HDAC4: variants seen among roughly 807,000 people sequenced by gnomAD.
HDAC4 encodes the protein histone deacetylase A.
Under a neutral mutation model 135.1 loss-of-function variants are expected in HDAC4, and 16 were observed. The observed-to-expected ratio is 0.12, with a 90% CI of 0.08 to 0.18. The LOEUF is 0.18. Ranked by LOEUF, HDAC4 falls within the 10% of genes least tolerant of loss-of-function variation. The probability of loss-of-function intolerance (pLI) is 1.00; values close to 1 mark genes in which losing one functional copy is unlikely to be tolerated. For synonymous variants in HDAC4, 685 were observed against 653.4 expected (o/e 1.05, Z -0.74); for missense variants, 1,143 against 1,511.8 (o/e 0.76, Z 4.05).
chr2:239,312,989 C>T (rs771574500), intron 2 of HDAC4, among the ~76,000 whole-genome samples: 2 of 152,188 alleles, frequency 1.3e-5, no homozygotes, highest in African/African-American at 2.4e-5. Context: ...CACTGGCTGC[C>T]GACGGGAGGC....
chr2:239,291,376 A>G (rs984849621), intron 2 of HDAC4, among the ~76,000 whole-genome samples: 6 of 152,328 alleles, frequency 3.9e-5, no homozygotes, highest in African/African-American at 7.2e-5. Context: ...GTTTGTTTAC[A>G]TGGCCTGGGC....
intron 5 of HDAC4, among the ~76,000 whole-genome samples, chr2:239,173,413 A>T (rs2043571653): frequency 6.6e-6 from 1 of 152,202 alleles, no homozygotes; most frequent in Non-Finnish European, 1.5e-5. Context: ...TCATACAATC[A>T]TCTCAAAAGA....
intron 8 of HDAC4, among the ~76,000 whole-genome samples, chr2:239,142,786 GT>G (rs1416008934): frequency 6.7e-6 from 1 of 148,484 alleles, no homozygotes; most frequent in Non-Finnish European, 1.5e-5. Context: ...ATCACGCCCT[GT>G]CACACATGAC....
chr2:239,193,852 A>C (rs2045181142), intron 3 of HDAC4, among the ~76,000 whole-genome samples: 1 of 152,254 alleles, frequency 6.6e-6, no homozygotes, highest in Non-Finnish European at 1.5e-5. Context: ...TCTTAAAAGG[A>C]AACCCAAGTT....
At chr2:239,249,314 C>T (rs1259825989) in intron 2 of HDAC4, among the ~76,000 whole-genome samples, 1 of 151,944 alleles carries the variant, frequency 6.6e-6, no homozygotes, top group East Asian at 1.9e-4. Flanking sequence ...TCGCCCAGGG[C>T]GGGGAGGGGC....
At chr2:239,085,781 C>G (rs2035876788) in intron 19 of HDAC4, 1 of 151,742 alleles carries the variant, frequency 6.6e-6, no homozygotes, top group Non-Finnish European at 1.5e-5. Context: ...CCTCCCTGTA[C>G]ATGAAGGAGA....
At chr2:239,185,099 C>T (rs1458527969) in intron 4 of HDAC4, among the ~76,000 whole-genome samples, 16 of 151,506 alleles carry the variant, frequency 1.1e-4, no homozygotes, top group African/African-American at 3.6e-4. Flanking sequence ...GGTGACTACC[C>T]TGGAGGCTGT....
rs758409684 is a variant in HDAC4, at chr2:239,115,143, G to A, written c.1701C>T (p.Pro567=). Reference sequence around the variant, plus strand: ...CTGCCTCTTCCTCATCGCTCTCAATGGGCTCCTGCTTCACCTGCACGCCGG... The same window carrying A: ...CTGCCTCTTCCTCATCGCTCTCAATAGGCTCCTGCTTCACCTGCACGCCGG... ...AQAGVQVKQE[P]IESDEEEAEP... The change falls in exon 13 of 27, where the codon CCC becomes CCT. Residue 567 remains proline, a synonymous_variant. Coordinates refer to ENST00000543185, the MANE Select transcript of HDAC4 (RefSeq NM_001378414.1). The surrounding 1 kb of genome is among the most constrained non-coding windows in gnomAD (Gnocchi z 6.3). The A allele has an allele frequency of 1.9e-6, 3 of 1,611,650 alleles. No homozygotes were observed. Among genetic ancestry groups the A allele is most frequent in the Non-Finnish European group, 2.5e-6 (3 of 1,179,968 alleles).
chr2:239,332,548 C>T (rs1290579009), intron 2 of HDAC4, among the ~76,000 whole-genome samples: 1 of 150,928 alleles, frequency 6.6e-6, no homozygotes, highest in African/African-American at 2.4e-5. Flanking sequence ...ATTAAAATGA[C>T]ATTAAAAAGC....
chr2:239,292,551 G>A (rs1211748032), intron 2 of HDAC4, among the ~76,000 whole-genome samples: 1 of 152,106 alleles, frequency 6.6e-6, no homozygotes, highest in East Asian at 1.9e-4. Context: ...AGAAAATACA[G>A]ACCCACCAAC....
At chr2:239,163,558 CGT>C (rs1559539277) in intron 6 of HDAC4, among the ~76,000 whole-genome samples, 10 of 151,952 alleles carry the variant, frequency 6.6e-5, no homozygotes, top group Non-Finnish European at 1.0e-4. Context: ...GGGCAGCTGC[CGT>C]GTGAGTGTAC....
intron 2 of HDAC4, among the ~76,000 whole-genome samples, chr2:239,247,186 G>A (rs572859701): frequency 2.0e-5 from 3 of 152,230 alleles, no homozygotes; most frequent in Admixed American, 6.5e-5. Context: ...GCACAGCCGG[G>A]CAAACCAAAA....
chr2:239,187,960 T>C (rs1397113890), intron 4 of HDAC4, among the ~76,000 whole-genome samples: 1 of 152,194 alleles, frequency 6.6e-6, no homozygotes, highest in Non-Finnish European at 1.5e-5. Flanking sequence ...AACACTGACA[T>C]TAGCAGGCCC....
At chr2:239,181,288 G>C (rs148733699) in intron 4 of HDAC4, among the ~76,000 whole-genome samples, 259 of 152,352 alleles carry the variant, frequency 1.7e-3, no homozygotes, top group African/African-American at 6.0e-3. Flanking sequence ...GGAGGGAGGA[G>C]AGGAGGGGCT....
chr2:239,200,952 G>C (rs899128537), intron 3 of HDAC4, among the ~76,000 whole-genome samples: 2 of 152,192 alleles, frequency 1.3e-5, no homozygotes, highest in African/African-American at 4.8e-5. Flanking sequence ...CTGCTCGCTC[G>C]AGCAGGAGGT....
At chr2:239,064,316 A>C (rs2033188289) in intron 24 of HDAC4, among the ~76,000 whole-genome samples, 1 of 152,218 alleles carries the variant, frequency 6.6e-6, no homozygotes, top group African/African-American at 2.4e-5. Flanking sequence ...CCTTTCTGGG[A>C]AAGCCATGGC....
At chr2:239,372,203 G>A (rs1230744002) in intron 1 of HDAC4, among the ~76,000 whole-genome samples, 1 of 152,180 alleles carries the variant, frequency 6.6e-6, no homozygotes, top group African/African-American at 2.4e-5. Context: ...AACCAGAACA[G>A]AACCCACTGC....
At chr2:239,072,296 C>T (rs897415897) in intron 22 of HDAC4, among the ~76,000 whole-genome samples, 3 of 152,144 alleles carry the variant, frequency 2.0e-5, no homozygotes, top group Admixed American at 6.5e-5. Context: ...CAGTTTTTTT[C>T]AAAATATGCA....
chr2:239,181,358 T>G (rs534269605), intron 4 of HDAC4, among the ~76,000 whole-genome samples: 4 of 152,284 alleles, frequency 2.6e-5, no homozygotes, highest in African/African-American at 9.6e-5. Flanking sequence ...GGGGTGCTGC[T>G]CCTGGCAGAT....
Sources: gnomAD v4.1 joint callset for allele counts (sites outside exome capture counted in the v4.1 genomes callset) on GRCh38, gnomAD v4.1.1 for gene constraint, Gnocchi (gnomAD v3.1) non-coding constraint, MANE v1.5 for transcripts, NCBI Gene and HGNC (gene_info 2026-07-23, HGNC 2026-07-21) for gene names.